ARFGAP1: variants seen among roughly 807,000 people sequenced by gnomAD.
ARFGAP1 encodes the protein ADP-ribosylation factor GTPase-activating protein 1.
In ARFGAP1, 26 loss-of-function variants were observed where a neutral mutation model predicts 54.0. The observed-to-expected ratio is 0.48, with a 90% CI of 0.35 to 0.67. The LOEUF (loss-of-function observed/expected upper bound fraction) is 0.67, where lower values mean the gene tolerates loss of function less well. ARFGAP1 is among the 30% of genes least tolerant of loss of function. The pLI is 0.00. For missense variants in ARFGAP1, 525 were observed against 535.8 expected, an observed-to-expected ratio of 0.98 and a Z score of 0.20; for synonymous variants, 248 against 211.9, an observed-to-expected ratio of 1.17 and a Z score of -1.48.
intron 5 of ARFGAP1, 81 bp downstream of exon 5, chr20:63,277,386 C>T (rs538150707): frequency 1.6e-6 from 2 of 1,231,462 alleles, no homozygotes; most frequent in Non-Finnish European, 1.1e-6. Flanking sequence ...AGAATTCTCC[C>T]CTTCTTTGCT....
At position 63,273,646 on chromosome 20, in the gene ARFGAP1, C is replaced by T. The variant is rs190363520; in HGVS notation, c.-5+726C>T. 127 of 152,334 alleles carry T rather than the reference C, an allele frequency of 8.3e-4. 3 individuals carry two copies. Among genetic ancestry groups the T allele is most frequent in the Admixed American group, 7.2e-3 (110 of 15,304 alleles). The allele number at this position is 152,334 out of a possible 1,614,324, so 9.4% of individuals were successfully genotyped here. ...CCTTTCCTTTTTACACACTCTCTCC[C>T]TCCGGTAGTTCTGTGAGTATCCTGT... On this transcript the variant is annotated intron_variant, in intron 1 of 12. Transcript: ENST00000370283.
chr20:63,284,379 G>T, intron 9 of ARFGAP1: 1 of 1,061,906 alleles, frequency 9.4e-7, no homozygotes. Flanking sequence ...GTGTGGCCTC[G>T]ACTCCACTGA....
In ARFGAP1 at chr20:63,276,410, C is replaced by T. The variant is rs118130353; in HGVS notation, c.171-70C>T. On this transcript the variant is annotated intron_variant, in intron 3 of 12. Transcript: ENST00000370283. This position sits in a 1 kb window ranked among gnomAD's most constrained non-coding sequence, Gnocchi z 5.2. The stretch of plus-strand genomic sequence containing the variant: ...TGCTTGCTGTGTCTAATTCTCAGGA[C>T]GATGCTGGGTGGAGGGTGTCCCTGG... 5.9e-4 allele frequency: 921 copies of T among 1,550,526 alleles called. 7 individuals carry two copies. The East Asian group carries it at 0.02, about 33-fold the overall frequency.
chr20:63,282,165 G>C (rs900495609), intron 8 of ARFGAP1, among the ~76,000 whole-genome samples: 1 of 152,222 alleles, frequency 6.6e-6, no homozygotes, highest in Non-Finnish European at 1.5e-5. Context: ...GGGAGAGGAA[G>C]GCCTGGGAGG....
At chr20:63,283,177 G>A (rs1009050320) in intron 9 of ARFGAP1, 2 of 441,864 alleles carry the variant, frequency 4.5e-6, no homozygotes, top group Non-Finnish European at 8.2e-6. Flanking sequence ...GGCGGTGGCC[G>A]CTCAGCCAGA....
rs962873987 is a variant in ARFGAP1 at position 63,288,629 on chromosome 20, C to T, written c.*756C>T. 7.2e-6 allele frequency: 3 copies of T among 416,532 alleles called. No individual in the cohort carries two copies. Among genetic ancestry groups the T allele is most frequent in the South Asian group, 5.1e-5 (3 of 58,648 alleles). 25.8% of individuals were successfully genotyped at this position (416,532 alleles called of 1,614,324 possible). A position where few individuals can be genotyped will look rare whatever the true frequency, so the allele number is the denominator to read the frequency against. On this transcript the variant is annotated 3_prime_UTR_variant, in exon 13 of 13. Coordinates refer to ENST00000370283, the MANE Select transcript of ARFGAP1 (RefSeq NM_018209.4). ...GCAGGGTGGGCCCTCGGCCCTGATG[C>T]AGGAGGGTGCGATAGCGGACGTGGC... is the stretch of plus-strand genomic sequence containing the variant.
chr20:63,281,150 A>G (rs2067370151), intron 7 of ARFGAP1, 141 bp from the exon 8 acceptor site: 2 of 798,358 alleles, frequency 2.5e-6, no homozygotes, highest in South Asian at 3.6e-5. Flanking sequence ...CAGCCTGGAG[A>G]AGCAGGCGCG....
intron 12 of ARFGAP1, chr20:63,286,812 C>T (rs6062431): frequency 0.049 from 11,591 of 234,738 alleles, 406 homozygotes; most frequent in Middle Eastern, 0.078. Context: ...GCTGGCGCTG[C>T]TCTGCTGTTC....
rs2067249007 is a variant in ARFGAP1 at position 63,276,864 on chromosome 20, T to C, written c.342+213T>C. 3 of 573,768 alleles carry C rather than the reference T, an allele frequency of 5.2e-6. No homozygotes were observed. Among genetic ancestry groups the C allele is most frequent in the Middle Eastern group, 4.6e-4 (1 of 2,162 alleles). The allele number at this position is 573,768 out of a possible 1,614,324, so 35.5% of individuals were successfully genotyped here. On this transcript the variant is annotated intron_variant, in intron 4 of 12. Coordinates refer to ENST00000370283, the MANE Select transcript of ARFGAP1 (RefSeq NM_018209.4). The surrounding 1 kb of genome is among the most constrained non-coding windows in gnomAD (Gnocchi z 5.2). ...CGGGGGGAGACAGACCTTCCCCGCC[T>C]CCAGGGGAGAAAGCAGCTGTGACCG...
chr20:63,279,156 T>C (rs1017406420), intron 7 of ARFGAP1, 161 bp downstream of exon 7: 21 of 764,268 alleles, frequency 2.7e-5, no homozygotes, highest in Non-Finnish European at 4.2e-5. Context: ...CTTTCAAAAA[T>C]GTGGCTTAAA....
rs1292384032 is a variant in ARFGAP1, at chr20:63,288,338, G to A, written c.*465G>A. 2.2e-6 allele frequency: 1 copy of A among 459,510 alleles called. No individual in the cohort carries two copies. Among genetic ancestry groups the A allele is most frequent in the Non-Finnish European group, 4.4e-6 (1 of 229,222 alleles). 28.5% of individuals were successfully genotyped at this position (459,510 alleles called of 1,614,324 possible). On this transcript the variant is annotated 3_prime_UTR_variant, in exon 13 of 13. Coordinates refer to ENST00000370283, the MANE Select transcript of ARFGAP1 (RefSeq NM_018209.4). ...TTTCTTTTTGAAGAGAGTGACTGGA[G>A]TGGTAAAGATGGAAATGCTGGAAAT...
intron 7 of ARFGAP1, chr20:63,279,456 T>A: frequency 3.0e-6 from 1 of 331,526 alleles, no homozygotes; most frequent in Non-Finnish European, 5.8e-6. Context: ...TCTGTCCGCC[T>A]CGGCCTCCCA....
chr20:63,278,823 T>C (rs1410435894), intron 6 of ARFGAP1, 76 bp from the exon 7 acceptor site: 3 of 1,445,274 alleles, frequency 2.1e-6, no homozygotes, highest in Non-Finnish European at 2.9e-6. Flanking sequence ...GCCTTGCCTG[T>C]GTTCAGGGCC....
intron 9 of ARFGAP1, chr20:63,284,181 G>A: frequency 1.5e-6 from 2 of 1,309,028 alleles, no homozygotes; most frequent in Admixed American, 7.4e-5. Context: ...GGAGGTGCTG[G>A]AGGGAGGGCG....
chr20:63,284,321 C>G, intron 9 of ARFGAP1: 2 of 1,081,492 alleles, frequency 1.8e-6, no homozygotes, highest in African/African-American at 1.6e-5. Flanking sequence ...CGTGCTGCTC[C>G]CTGCCTTTGG....
intron 11 of ARFGAP1, chr20:63,285,977 A>C: frequency 1.3e-6 from 2 of 1,518,012 alleles, no homozygotes; most frequent in Non-Finnish European, 1.8e-6. Flanking sequence ...CTCGGTAAGT[A>C]AGTGCCAGCG....
intron 9 of ARFGAP1, 107 bp from the exon 10 acceptor site, chr20:63,284,759 T>C: frequency 6.5e-7 from 1 of 1,544,560 alleles, no homozygotes; most frequent in Non-Finnish European, 8.7e-7. Context: ...CTGCCTTCCC[T>C]CCTGCTGGTG....
Position 63,288,653 on chromosome 20 carries a change from G to T in ARFGAP1, c.*780G>T, listed in dbSNP as rs2067632439. 32 of 386,454 alleles carry T rather than the reference G, an allele frequency of 8.3e-5. 1 individual carries two copies. The highest frequency in any genetic ancestry group is 5.9e-4 in the South Asian group (32 of 54,052). The allele number at this position is 386,454 out of a possible 1,614,324, so 23.9% of individuals were successfully genotyped here. A position where few individuals can be genotyped will look rare whatever the true frequency, so the allele number is the denominator to read the frequency against. On this transcript the variant is annotated 3_prime_UTR_variant, in exon 13 of 13. Transcript: ENST00000370283. The stretch of plus-strand genomic sequence containing the variant: ...GCAGGAGGGTGCGATAGCGGACGTG[G>T]CCAGGCAGGAGGGGCCGGGTTCAGG...
In ARFGAP1 at chr20:63,287,807, G is replaced by T; in HGVS notation, c.1155G>T (p.Glu385Asp). 1 of 1,596,438 alleles carries T rather than the reference G, an allele frequency of 6.3e-7. No individual in the cohort carries two copies. ...NSNSDGGEGG[E>D]GTKKAVPPAV... is the part of the protein sequence containing the mutation. ...ACAGCGACGGCGGGGAGGGCGGGGA[G>T]GGCACCAAGAAGGCAGTGCCGCCGG... Residue 385 changes from glutamate to aspartate, a missense_variant, in exon 13 of 13, where the codon GAG becomes GAT. Transcript: ENST00000370283.
Sources: gnomAD v4.1 joint callset for allele counts (sites outside exome capture counted in the v4.1 genomes callset) on GRCh38, gnomAD v4.1.1 for gene constraint, Gnocchi (gnomAD v3.1) non-coding constraint, MANE v1.5 for transcripts, NCBI Gene and HGNC (gene_info 2026-07-23, HGNC 2026-07-21) for gene names.